GIPC3: variants seen among roughly 807,000 people sequenced by gnomAD.
The protein encoded by GIPC3 is PDZ domain-containing protein GIPC3.
In GIPC3, 16 loss-of-function variants were observed where a neutral mutation model predicts 27.3. The ratio of observed to expected loss-of-function variants is 0.59; its 90% CI spans 0.40 to 0.89. GIPC3 has a LOEUF of 0.89. GIPC3 is among the 40% of genes least tolerant of loss of function. The pLI, the probability that GIPC3 is intolerant of heterozygous loss-of-function variation, is 0.00. For missense variants in GIPC3, 440 were observed against 442.1 expected, an observed-to-expected ratio of 1.00 and a Z score of 0.04; for synonymous variants, 194 against 184.6, an observed-to-expected ratio of 1.05 and a Z score of -0.41.
Position 3,589,292 on chromosome 19 carries a change from G to A in GIPC3, c.593-151G>A, listed in dbSNP as rs116092698. On this transcript the variant is annotated intron_variant, in intron 3 of 5. Transcript: ENST00000644452. Reference sequence around the variant, plus strand: ...CTGGGGATGCGAAGTGTGGAATCTCGAATAGGTCTCTGGAGACTTGCCGTA... The same window carrying A: ...CTGGGGATGCGAAGTGTGGAATCTCAAATAGGTCTCTGGAGACTTGCCGTA... 0.012 allele frequency: 8,504 copies of A among 687,478 alleles called. 92 individuals are homozygous for A. The highest frequency in any genetic ancestry group is 0.027 in the South Asian group (1,800 of 65,596). 42.6% of individuals were successfully genotyped at this position (687,478 alleles called of 1,614,324 possible).
At position 3,590,128 on chromosome 19, in the gene GIPC3, C is replaced by A; in HGVS notation, c.877C>A (p.Pro293Thr). 6.2e-7 allele frequency: 1 copy of A among 1,611,346 alleles called. No homozygotes were observed. Among genetic ancestry groups the A allele is most frequent in the Non-Finnish European group, 8.5e-7 (1 of 1,179,120 alleles). Reference sequence around the variant, plus strand: ...CTCCGTCTTGGGCGAGTTCGCCTTCCCCGACGAGTTTGTGGTGGAAGTGTG... The same window carrying A: ...CTCCGTCTTGGGCGAGTTCGCCTTCACCGACGAGTTTGTGGTGGAAGTGTG... Reference protein sequence around the residue: ...LDSVLGEFAFPDEFVVEVWAA... With the variant: ...LDSVLGEFAFTDEFVVEVWAA... Residue 293 changes from proline (P) to threonine (T), a missense_variant, in exon 6 of 6, where the codon CCC (proline) becomes ACC (threonine). Pro to Thr is a conservative substitution (Grantham distance 38). Coordinates refer to ENST00000644452, the MANE Select transcript of GIPC3 (RefSeq NM_133261.3).
In GIPC3 at chr19:3,593,340, T is replaced by G; in HGVS notation, c.*3150T>G. On this transcript the variant is annotated 3_prime_UTR_variant, in exon 6 of 6. Coordinates refer to ENST00000644452, the MANE Select transcript of GIPC3 (RefSeq NM_133261.3). ...TGTGGTTCTCGTCCTCTCCTGTCCC[T>G]TCCAGCCTGGGGCCCCCAGAAGCAG... 8.1e-7 allele frequency: 1 copy of G among 1,231,270 alleles called. No individual in the cohort carries two copies. Among genetic ancestry groups the G allele is most frequent in the Non-Finnish European group, 1.0e-6 (1 of 987,326 alleles). The allele number at this position is 1,231,270 out of a possible 1,614,324, so 76.3% of individuals were successfully genotyped here.
chr19:3,586,737 C>A, intron 2 of GIPC3, 57 bp downstream of exon 2: 1 of 1,610,406 alleles, frequency 6.2e-7, no homozygotes, highest in Non-Finnish European at 8.5e-7. Context: ...GCCCCCCCCA[C>A]TCTGGGTCGA....
In GIPC3 at chr19:3,590,429, C is replaced by A. The variant is rs1463374147; in HGVS notation, c.*239C>A. 2.1e-6 allele frequency: 3 copies of A among 1,430,802 alleles called. No homozygotes were observed. Among genetic ancestry groups the A allele is most frequent in the Non-Finnish European group, 2.7e-6 (3 of 1,097,252 alleles). 88.6% of individuals were successfully genotyped at this position (1,430,802 alleles called of 1,614,324 possible). ...CCAAGCCCAGCATTGAGAATAAGCT[C>A]TGTTCTAAAACTCAGGCCAGCCCTG... On this transcript the variant is annotated 3_prime_UTR_variant, in exon 6 of 6. Coordinates refer to ENST00000644452, the MANE Select transcript of GIPC3 (RefSeq NM_133261.3).
rs2032468628 is a variant in GIPC3 at position 3,590,563 on chromosome 19, G to C, written c.*373G>C. On this transcript the variant is annotated 3_prime_UTR_variant, in exon 6 of 6. Coordinates refer to ENST00000644452, the MANE Select transcript of GIPC3 (RefSeq NM_133261.3). ...TGCTCTGAGGCCAAGCCCAGCTCTA[G>C]AACCCAGATGAGCTCTGAGACCATG... 1 of 1,342,000 alleles carries C rather than the reference G, an allele frequency of 7.5e-7. No individual in the cohort carries two copies. Among genetic ancestry groups the C allele is most frequent in the Non-Finnish European group, 9.5e-7 (1 of 1,051,562 alleles). The allele number at this position is 1,342,000 out of a possible 1,614,324, so 83.1% of individuals were successfully genotyped here.
intron 3 of GIPC3, among the ~76,000 whole-genome samples, chr19:3,587,701 T>TCTTTTC (rs1568277773): frequency 2.7e-5 from 4 of 147,664 alleles, no homozygotes; most frequent in African/African-American, 7.5e-5. Flanking sequence ...TTTTCTTTTT[T>TCTTTTC]TTTTTTTGAG....
intron 3 of GIPC3, 70 bp downstream of exon 3, chr19:3,587,064 C>G: frequency 6.9e-7 from 1 of 1,451,526 alleles, no homozygotes; most frequent in Non-Finnish European, 9.4e-7. Flanking sequence ...GGAGGAGGGT[C>G]GGGGATGGGA....
intron 3 of GIPC3, among the ~76,000 whole-genome samples, 197 bp downstream of exon 3, chr19:3,587,191 G>A (rs2032387149): frequency 6.6e-6 from 1 of 152,130 alleles, no homozygotes. Context: ...GTGGGGGAGG[G>A]GTGGGGGAGA....
At chr19:3,589,974 G>T (rs894024107) in intron 5 of GIPC3, 62 bp downstream of exon 5, 2 of 1,613,334 alleles carry the variant, frequency 1.2e-6, no homozygotes, top group East Asian at 4.5e-5. Context: ...AGGAGGCAGG[G>T]GTCCCAGCGG....
At position 3,592,568 on chromosome 19, in the gene GIPC3, G is replaced by T; in HGVS notation, c.*2378G>T. The stretch of plus-strand genomic sequence containing the variant: ...GAACCCAGTCCAGTCCTGAGACCAG[G>T]CTCAGCTCTGAGGCTCAGTCCAGCT... On this transcript the variant is annotated 3_prime_UTR_variant, in exon 6 of 6. Transcript: ENST00000644452. 8.1e-7 allele frequency: 1 copy of T among 1,231,578 alleles called. No homozygotes were observed. Among genetic ancestry groups the T allele is most frequent in the Non-Finnish European group, 1.0e-6 (1 of 987,884 alleles). 76.3% of individuals were successfully genotyped at this position (1,231,578 alleles called of 1,614,324 possible).
In GIPC3 at chr19:3,586,828, C is replaced by T. The variant is rs900520717; in HGVS notation, c.426C>T (p.Gly142=). 1 of 1,613,604 alleles carries T rather than the reference C, an allele frequency of 6.2e-7. No individual in the cohort carries two copies. The highest frequency in any genetic ancestry group is 8.5e-7 in the Non-Finnish European group (1 of 1,179,974). The part of the protein sequence containing the change: ...GYAFIKRIKE[G]SIINRIEAVC... ...GATCCCTGCAGAGAATCAAGGAAGG[C>T]AGTATCATCAACCGGATCGAGGCAG... Residue 142 remains glycine, a synonymous_variant, in exon 3 of 6, where the codon GGC becomes GGT. Coordinates refer to ENST00000644452, the MANE Select transcript of GIPC3 (RefSeq NM_133261.3).
rs903245076 is a variant in GIPC3, at chr19:3,593,353, C to A, written c.*3163C>A. ...CTCTCCTGTCCCTTCCAGCCTGGGG[C>A]CCCCAGAAGCAGCAAGTGACCTTAT... On this transcript the variant is annotated 3_prime_UTR_variant, in exon 6 of 6. Coordinates refer to ENST00000644452, the MANE Select transcript of GIPC3 (RefSeq NM_133261.3). 5.8e-6 allele frequency: 7 copies of A among 1,216,160 alleles called. No individual in the cohort carries two copies. The highest frequency in any genetic ancestry group is 7.2e-6 in the Non-Finnish European group (7 of 973,554). 75.3% of individuals were successfully genotyped at this position (1,216,160 alleles called of 1,614,324 possible).
chr19:3,586,789 T>C, intron 2 of GIPC3, 25 bp from the exon 3 acceptor site: 1 of 1,612,644 alleles, frequency 6.2e-7, no homozygotes, highest in Non-Finnish European at 8.5e-7. Context: ...GGGGTTGCCC[T>C]GCCAGCGACG....
rs1286061180 is a variant in GIPC3 at position 3,592,804 on chromosome 19, C to A, written c.*2614C>A. The A allele has an allele frequency of 1.5e-5, 18 of 1,232,004 alleles. No homozygotes were observed. Among genetic ancestry groups the A allele is most frequent in the Non-Finnish European group, 1.8e-5 (18 of 987,970 alleles). The allele number at this position is 1,232,004 out of a possible 1,614,324, so 76.3% of individuals were successfully genotyped here. ...ACCCAGCCTGTTTCTGGAACCCAAT[C>A]CAGTTCCAGAACTCACACCAGTTCA... On this transcript the variant is annotated 3_prime_UTR_variant, in exon 6 of 6. Transcript: ENST00000644452.
chr19:3,589,856 C>T lies in GIPC3; in HGVS notation c.731C>T (p.Ser244Phe). The T allele has an allele frequency of 1.2e-6, 2 of 1,613,908 alleles. No homozygotes were observed. ...EAPSEFEEEA[S>F]RKVDDLLESY... ...CCCAGTGAGTTTGAGGAGGAGGCAT[C>T]TCGGAAGGTTGATGACCTGCTGGAA... The change falls in exon 5 of 6, where the codon TCT becomes TTT. Residue 244 changes from serine to phenylalanine, a missense_variant. Transcript: ENST00000644452.
At chr19:3,589,753 G>A in intron 4 of GIPC3, 78 bp from the exon 5 acceptor site, 2 of 1,407,064 alleles carry the variant, frequency 1.4e-6, no homozygotes, top group Non-Finnish European at 2.0e-6. Context: ...TCTTCCCTTA[G>A]GGGTGGGGGT....
rs968381174 is a variant in GIPC3, at chr19:3,586,444, G to T, written c.226-51G>T. On this transcript the variant is annotated intron_variant, in intron 1 of 5. Coordinates refer to ENST00000644452, the MANE Select transcript of GIPC3 (RefSeq NM_133261.3). ...GGGCCTGCGCAGACAGGGTGGCTGC[G>T]TGGGGGGATGCATGCCCTGGCTAAC... 3.2e-6 allele frequency: 5 copies of T among 1,552,878 alleles called. No individual in the cohort carries two copies. The African/African-American group carries it at 5.4e-5, about 17-fold the overall frequency.
chr19:3,586,390 TG>T, intron 1 of GIPC3, 104 bp from the exon 2 acceptor site: 1 of 1,026,842 alleles, frequency 9.7e-7, no homozygotes, highest in Non-Finnish European at 1.5e-6. Flanking sequence ...CCCTTTCCCA[TG>T]GGCTGGGATC....
rs2032504340 is a variant in GIPC3 at position 3,592,483 on chromosome 19, G to A, written c.*2293G>A. The A allele has an allele frequency of 2.5e-5, 31 of 1,232,006 alleles. No homozygotes were observed. The highest frequency in any genetic ancestry group is 3.1e-5 in the Non-Finnish European group (31 of 987,996). 76.3% of individuals were successfully genotyped at this position (1,232,006 alleles called of 1,614,324 possible). A position where few individuals can be genotyped will look rare whatever the true frequency, so the allele number is the denominator to read the frequency against. ...CAGACTAGTTCTGGAAACCAGCTCA[G>A]CTCCGGGACCCAGACCACTGCAAGA... On this transcript the variant is annotated 3_prime_UTR_variant, in exon 6 of 6. Transcript: ENST00000644452.
Sources: gnomAD v4.1 joint callset for allele counts (sites outside exome capture counted in the v4.1 genomes callset) on GRCh38, gnomAD v4.1.1 for gene constraint, MANE v1.5 for transcripts, NCBI Gene and HGNC (gene_info 2026-07-23, HGNC 2026-07-21) for gene names.